The following MYH10 variants were observed in gnomAD, a reference collection of about 807,000 sequenced individuals.
The protein encoded by MYH10 is myosin heavy chain 10.
MYH10 carries 55 observed loss-of-function variants against 257.8 expected under a neutral mutation model. That is an observed-to-expected ratio of 0.21 (90% CI 0.17 to 0.27). The LOEUF (loss-of-function observed/expected upper bound fraction) is 0.27, where lower values mean the gene tolerates loss of function less well. Ranked by LOEUF, MYH10 falls within the 10% of genes least tolerant of loss-of-function variation. MYH10 has a pLI of 1.00. For synonymous variants in MYH10, 854 were observed against 921.7 expected (o/e 0.93, Z 1.33); for missense variants, 1,631 against 2,500.6 (o/e 0.65, Z 7.42).
intron 7 of MYH10, chr17:8,560,940 C>T (rs758885598): frequency 1.3e-5 from 6 of 472,556 alleles, no homozygotes; most frequent in Non-Finnish European, 1.6e-5. Context: ...AAGAAGATCA[C>T]CACTGCCAAC....
At chr17:8,494,277 C>T (rs1916239508) in intron 31 of MYH10, among the ~76,000 whole-genome samples, 1 of 152,196 alleles carries the variant, frequency 6.6e-6, no homozygotes, top group African/African-American at 2.4e-5. Context: ...GATCACCTCT[C>T]CCGTCTTAGG....
At chr17:8,612,712 G>A (rs1312589978) in intron 2 of MYH10, among the ~76,000 whole-genome samples, 2 of 152,036 alleles carry the variant, frequency 1.3e-5, no homozygotes, top group Admixed American at 6.5e-5. Flanking sequence ...TTAGCCAGGC[G>A]TGGTGGCGCA....
At chr17:8,476,694 C>G (rs1005786329) in intron 42 of MYH10, among the ~76,000 whole-genome samples, 182 bp downstream of exon 42, 3 of 152,124 alleles carry the variant, frequency 2.0e-5, no homozygotes, top group Non-Finnish European at 4.4e-5. Context: ...ATAGGGCCGC[C>G]TCCTCTTTTA....
At chr17:8,513,033 G>A (rs1248071157) in intron 23 of MYH10, among the ~76,000 whole-genome samples, 2 of 152,022 alleles carry the variant, frequency 1.3e-5, no homozygotes, top group African/African-American at 2.4e-5. Context: ...TAATATTTTT[G>A]GCCTTGAACA....
At chr17:8,494,178 A>C (rs983598687) in intron 31 of MYH10, among the ~76,000 whole-genome samples, 2 of 140,746 alleles carry the variant, frequency 1.4e-5, no homozygotes, top group Admixed American at 7.1e-5. Flanking sequence ...GTCCCCCACC[A>C]CACCCCGCCT....
chr17:8,593,762 GATCTAT>G (rs1204998379), intron 3 of MYH10, among the ~76,000 whole-genome samples: 1 of 152,098 alleles, frequency 6.6e-6, no homozygotes. Context: ...GGCCTCAACT[GATCTAT>G]AGATTCAGTG....
In MYH10 at chr17:8,477,151, G is replaced by T. The variant is rs569543819; in HGVS notation, c.5707-103C>A. On this transcript the variant is annotated intron_variant, in intron 41 of 42. Transcript: ENST00000360416. The surrounding 1 kb of genome is among the most constrained non-coding windows in gnomAD (Gnocchi z 4.2). ...GTGTGGGGCTCTGCCTGTTACCCTTGTGAGCACGCGTGTACACGGATGTAC... is the reference window on the plus strand; with the variant it reads ...GTGTGGGGCTCTGCCTGTTACCCTTTTGAGCACGCGTGTACACGGATGTAC... The T allele has an allele frequency of 7.6e-6, 10 of 1,309,752 alleles. No homozygotes were observed. Among genetic ancestry groups the T allele is most frequent in the Non-Finnish European group, 1.1e-5 (10 of 937,838 alleles). The allele number at this position is 1,309,752 out of a possible 1,614,324, so 81.1% of individuals were successfully genotyped here. A position where few individuals can be genotyped will look rare whatever the true frequency, so the allele number is the denominator to read the frequency against.
intron 11 of MYH10, 72 bp from the exon 12 acceptor site, chr17:8,546,734 C>A: frequency 1.9e-6 from 2 of 1,071,048 alleles, no homozygotes; most frequent in South Asian, 3.0e-5. Flanking sequence ...TCAATAAACA[C>A]TGGAAAAACC....
chr17:8,529,886 ACT>A (rs2151921313), intron 17 of MYH10, among the ~76,000 whole-genome samples: 1 of 152,118 alleles, frequency 6.6e-6, no homozygotes, highest in East Asian at 1.9e-4. Context: ...GCTTTTGGAG[ACT>A]CTGTAGCTGT....
chr17:8,495,779 G>A (rs1567796648), intron 30 of MYH10, among the ~76,000 whole-genome samples: 1 of 151,930 alleles, frequency 6.6e-6, no homozygotes, highest in Admixed American at 6.6e-5. Context: ...GTGCAATCTG[G>A]GCTCACTGCA....
At chr17:8,560,889 A>G in intron 7 of MYH10, 1 of 528,584 alleles carries the variant, frequency 1.9e-6, no homozygotes, top group South Asian at 1.6e-5. Context: ...AATATCATGG[A>G]AGCCATGGAG....
chr17:8,495,961 G>A (rs183492370), intron 30 of MYH10, among the ~76,000 whole-genome samples: 14 of 152,178 alleles, frequency 9.2e-5, no homozygotes, highest in Admixed American at 5.9e-4. Context: ...TGCCTGCCCC[G>A]GCCTCCCAAA....
intron 38 of MYH10, 102 bp downstream of exon 38, chr17:8,481,220 A>G: frequency 8.4e-7 from 1 of 1,195,930 alleles, no homozygotes; most frequent in South Asian, 1.3e-5. Context: ...GCGAGGGAGG[A>G]GCAAACCACC....
chr17:8,493,461 T>TA (rs1916085842), intron 32 of MYH10, among the ~76,000 whole-genome samples: 1 of 152,222 alleles, frequency 6.6e-6, no homozygotes, highest in Admixed American at 6.5e-5. Context: ...AAATGAGTCT[T>TA]AGACTGTCAC....
chr17:8,605,044 A>G, intron 2 of MYH10, 62 bp from the exon 3 acceptor site: 1 of 872,640 alleles, frequency 1.1e-6, no homozygotes, highest in Non-Finnish European at 1.6e-6. Flanking sequence ...ATCAGGGTCC[A>G]ATCAGGAGAC....
In MYH10 at chr17:8,504,656, G is replaced by A. The variant is rs371104756; in HGVS notation, c.3599+38C>T. 1.3e-6 allele frequency: 2 copies of A among 1,585,830 alleles called. No homozygotes were observed. The highest frequency in any genetic ancestry group is 1.3e-5 in the African/African-American group (1 of 74,300). On this transcript the variant is annotated intron_variant, in intron 28 of 42. Transcript: ENST00000360416. The surrounding 1 kb of genome is among the most constrained non-coding windows in gnomAD (Gnocchi z 5.6). ...TCTGCACGGGCTCGGTGGAGAGGTCGGCAGGCGCCCGGGCCCTGCTTCCTC... is the reference window on the plus strand; with the variant it reads ...TCTGCACGGGCTCGGTGGAGAGGTCAGCAGGCGCCCGGGCCCTGCTTCCTC...
chr17:8,477,051 T>C lies in MYH10; in HGVS notation c.5707-3A>G. On this transcript the variant is annotated splice_region_variant and splice_polypyrimidine_tract_variant and intron_variant, in intron 41 of 42. Coordinates refer to ENST00000360416, the MANE Select transcript of MYH10 (RefSeq NM_001256012.3). This position sits in a 1 kb window ranked among gnomAD's most constrained non-coding sequence, Gnocchi z 4.2. ...ATCCGAGCGTTGGCCTTCTCCATCTTGGGGAGGGTACATGAACCAAAACAA... is the reference window on the plus strand; with the variant it reads ...ATCCGAGCGTTGGCCTTCTCCATCTCGGGGAGGGTACATGAACCAAAACAA... 6.2e-7 allele frequency: 1 copy of C among 1,613,950 alleles called. No homozygotes were observed.
At chr17:8,561,156 A>G (rs1420607527) in intron 7 of MYH10, 4 of 636,600 alleles carry the variant, frequency 6.3e-6, no homozygotes. Flanking sequence ...AAAACTCAGT[A>G]ACAAAAACAA....
intron 14 of MYH10, among the ~76,000 whole-genome samples, chr17:8,541,844 G>A (rs1337703554): frequency 2.0e-5 from 3 of 152,160 alleles, no homozygotes; most frequent in African/African-American, 4.8e-5. Flanking sequence ...CAGTCTGTGC[G>A]AGCCAGAGCC....
Sources: gnomAD v4.1 joint callset for allele counts (sites outside exome capture counted in the v4.1 genomes callset) on GRCh38, gnomAD v4.1.1 for gene constraint, Gnocchi (gnomAD v3.1) non-coding constraint, MANE v1.5 for transcripts, NCBI Gene and HGNC (gene_info 2026-07-23, HGNC 2026-07-21) for gene names.